The following NRG1 variants were observed in gnomAD, a reference collection of about 807,000 sequenced individuals.
The protein encoded by NRG1 is pro-neuregulin-1, membrane-bound isoform.
In NRG1, 18 loss-of-function variants were observed where a neutral mutation model predicts 63.8. The observed-to-expected ratio is 0.28, with a 90% confidence interval of 0.19 to 0.42. NRG1 has a LOEUF of 0.42. NRG1 is among the 10% of genes least tolerant of loss of function. NRG1 has a pLI of 1.00. For synonymous variants in NRG1, 302 were observed against 301.3 expected, an observed-to-expected ratio of 1.00 and a Z score of -0.02; for missense variants, 762 against 814.7, an observed-to-expected ratio of 0.94 and a Z score of 0.79.
At chr8:31,775,512 T>C (rs1046793221) in intron 1 of NRG1, among the ~76,000 whole-genome samples, 5 of 152,086 alleles carry the variant, frequency 3.3e-5, no homozygotes, top group Non-Finnish European at 7.4e-5. Context: ...CAGGCAATGG[T>C]CACACTAAAA....
At chr8:32,730,422 C>T (rs1823342703) in intron 6 of NRG1, among the ~76,000 whole-genome samples, 1 of 151,948 alleles carries the variant, frequency 6.6e-6, no homozygotes, top group African/African-American at 2.4e-5. Context: ...CACTGCAGTC[C>T]AGCCTGGGTG....
intron 1 of NRG1, among the ~76,000 whole-genome samples, chr8:32,325,014 A>G (rs528832361): frequency 3.1e-4 from 47 of 152,332 alleles, no homozygotes; most frequent in African/African-American, 9.9e-4. Context: ...TTAATTGACC[A>G]CTTTGGAAGT....
intron 1 of NRG1, among the ~76,000 whole-genome samples, chr8:31,712,349 A>C (rs1215009484): frequency 1.4e-5 from 2 of 140,930 alleles, no homozygotes; most frequent in Non-Finnish European, 3.0e-5. Flanking sequence ...GCTCACTGCA[A>C]CCTCTGCCTC....
intron 1 of NRG1, among the ~76,000 whole-genome samples, chr8:32,340,432 C>T (rs993518595): frequency 6.6e-6 from 1 of 152,096 alleles, no homozygotes; most frequent in African/African-American, 2.4e-5. Flanking sequence ...CATGGGAGCT[C>T]GATTTCTGTC....
chr8:32,730,941 A>T (rs1291393628), intron 6 of NRG1, among the ~76,000 whole-genome samples: 5 of 152,170 alleles, frequency 3.3e-5, no homozygotes, highest in Non-Finnish European at 7.4e-5. Flanking sequence ...TACCCATATT[A>T]TCTATGTCTC....
chr8:31,761,209 A>C (rs1179906178), intron 1 of NRG1, among the ~76,000 whole-genome samples: 1 of 152,238 alleles, frequency 6.6e-6, no homozygotes, highest in Non-Finnish European at 1.5e-5. Context: ...AGGACAAAAA[A>C]CCAAACACCT....
chr8:32,659,489 A>G (rs2128871152), intron 5 of NRG1, among the ~76,000 whole-genome samples: 1 of 152,234 alleles, frequency 6.6e-6, no homozygotes, highest in Middle Eastern at 3.4e-3. Flanking sequence ...CTAATTGGAA[A>G]TTGTTTTTTG....
intron 1 of NRG1, among the ~76,000 whole-genome samples, chr8:31,652,590 G>A (rs1411832887): frequency 6.6e-6 from 1 of 152,126 alleles, no homozygotes; most frequent in East Asian, 1.9e-4. Context: ...CTGTGGATTT[G>A]CACATATTGT....
intron 1 of NRG1, among the ~76,000 whole-genome samples, chr8:31,714,668 A>T (rs1298822114): frequency 6.6e-6 from 1 of 152,170 alleles, no homozygotes; most frequent in East Asian, 1.9e-4. Flanking sequence ...AATCATCTAT[A>T]TGCATCTATC....
chr8:32,136,530 T>C (rs886492419), intron 1 of NRG1: 2 of 152,250 alleles, frequency 1.3e-5, no homozygotes, highest in African/African-American at 2.4e-5. Context: ...GATGGTCTAC[T>C]TGAGCTCTGT....
At chr8:32,292,353 T>A (rs1049877437) in intron 1 of NRG1, among the ~76,000 whole-genome samples, 3 of 152,212 alleles carry the variant, frequency 2.0e-5, no homozygotes, top group Non-Finnish European at 4.4e-5. Context: ...CTGACTGTAA[T>A]AAATGCCAGT....
At chr8:32,503,288 GAAAAAAAAAAAAAAAAAA>G (rs60857610) in intron 1 of NRG1, among the ~76,000 whole-genome samples, 71 of 54,864 alleles carry the variant, frequency 1.3e-3, no homozygotes, top group Non-Finnish European at 1.7e-3. Flanking sequence ...CTCTGTCTCA[GAAAAAAAAAAAAAAAAAA>G]AAAAAAAAAA....
At chr8:32,011,923 C>T (rs553045958) in intron 1 of NRG1, among the ~76,000 whole-genome samples, 6 of 152,218 alleles carry the variant, frequency 3.9e-5, no homozygotes, top group East Asian at 1.9e-4. Context: ...CAGCTAGAAT[C>T]GCCACCTGTC....
intron 1 of NRG1, among the ~76,000 whole-genome samples, chr8:32,437,102 G>A (rs1818887963): frequency 6.6e-6 from 1 of 152,094 alleles, no homozygotes; most frequent in African/African-American, 2.4e-5. Flanking sequence ...AGCCATATCA[G>A]GGGATCTTCC....
intron 1 of NRG1, among the ~76,000 whole-genome samples, chr8:32,282,872 A>G (rs942452713): frequency 6.6e-5 from 10 of 152,182 alleles, no homozygotes; most frequent in Admixed American, 1.3e-4. Flanking sequence ...CCATTGTTTT[A>G]GAAAAGGGGA....
At chr8:32,328,995 G>T (rs1802326586) in intron 1 of NRG1, among the ~76,000 whole-genome samples, 1 of 150,376 alleles carries the variant, frequency 6.6e-6, no homozygotes, top group Non-Finnish European at 1.5e-5. Flanking sequence ...TTTAGACAAT[G>T]TCTCACTCTG....
At chr8:32,557,963 T>A (rs964691624) in intron 1 of NRG1, among the ~76,000 whole-genome samples, 3 of 152,188 alleles carry the variant, frequency 2.0e-5, no homozygotes, top group African/African-American at 4.8e-5. Context: ...AGGAGAAATG[T>A]CAATAGAAAT....
intron 6 of NRG1, among the ~76,000 whole-genome samples, chr8:32,737,914 C>T (rs2129032777): frequency 6.6e-6 from 1 of 152,158 alleles, no homozygotes. Flanking sequence ...CTCAAGTGAT[C>T]AGCCCACCTT....
At chr8:32,000,203 G>A (rs957871815) in intron 1 of NRG1, among the ~76,000 whole-genome samples, 4 of 151,930 alleles carry the variant, frequency 2.6e-5, no homozygotes, top group African/African-American at 7.2e-5. Context: ...ATGATGTAGT[G>A]GTCTGGGCTA....
Sources: allele counts gnomAD v4.1 joint callset (sites outside exome capture counted in the v4.1 genomes callset), GRCh38; gene constraint gnomAD v4.1.1; transcripts MANE v1.5; gene names NCBI Gene and HGNC (gene_info 2026-07-23, HGNC 2026-07-21).